MTSS2: variants seen among roughly 807,000 people sequenced by gnomAD.
MTSS2 encodes the protein MTSS I-BAR domain containing 2, also known as protein MTSS 2.
Under a neutral mutation model 67.1 loss-of-function variants are expected in MTSS2, and 27 were observed. The observed-to-expected ratio is 0.40, with a 90% CI of 0.30 to 0.55. MTSS2 has a LOEUF of 0.55. Ranked by LOEUF, MTSS2 falls within the 20% of genes least tolerant of loss-of-function variation. The probability of loss-of-function intolerance (pLI) is 0.43; values close to 1 mark genes in which losing one functional copy is unlikely to be tolerated. For synonymous variants in MTSS2, 624 were observed against 468.6 expected (o/e 1.33, Z -4.28); for missense variants, 1,171 against 1,067.8 (o/e 1.10, Z -1.35).
rs886454107 is a variant in MTSS2 at position 70,662,351 on chromosome 16, A to C, written c.*1326T>G. The C allele has an allele frequency of 1.3e-5, 2 of 152,284 alleles. No individual in the cohort carries two copies. Among genetic ancestry groups the C allele is most frequent in the African/African-American group, 4.8e-5 (2 of 41,428 alleles). The allele number at this position is 152,284 out of a possible 1,614,324, so 9.4% of individuals were successfully genotyped here. On this transcript the variant is annotated 3_prime_UTR_variant, in exon 15 of 15. Coordinates refer to ENST00000338779, the MANE Select transcript of MTSS2 (RefSeq NM_138383.3). ...TAGGCTCACGTGCTTTTACCTGCTGAGACTTGGCGTGACTTGGTGCGTGGG... is the reference window on the plus strand; with the variant it reads ...TAGGCTCACGTGCTTTTACCTGCTGCGACTTGGCGTGACTTGGTGCGTGGG...
intron 7 of MTSS2, 92 bp downstream of exon 7, chr16:70,679,223 G>A: frequency 6.7e-7 from 1 of 1,490,998 alleles, no homozygotes; most frequent in African/African-American, 1.4e-5. Context: ...CCTTGGCCTG[G>A]AGAGGTTCCT....
At chr16:70,680,672 A>C in intron 3 of MTSS2, 122 bp downstream of exon 3, 1 of 831,912 alleles carries the variant, frequency 1.2e-6, no homozygotes, top group Non-Finnish European at 1.9e-6. Flanking sequence ...TCCACTAAGG[A>C]GCAGAACTCA....
intron 6 of MTSS2, 22 bp downstream of exon 6, chr16:70,679,607 TG>T (rs761045658): frequency 2.5e-6 from 4 of 1,580,192 alleles, no homozygotes; most frequent in Admixed American, 3.6e-5. Context: ...GGGCTGTGGC[TG>T]GGGGGCCGCG....
At chr16:70,684,553 C>G (rs1328165294) in intron 1 of MTSS2, among the ~76,000 whole-genome samples, 1 of 152,178 alleles carries the variant, frequency 6.6e-6, no homozygotes, top group Non-Finnish European at 1.5e-5. Flanking sequence ...GTCCTAGCAG[C>G]ACTGTACTGG....
chr16:70,682,662 C>T (rs188123017), intron 1 of MTSS2, among the ~76,000 whole-genome samples: 21 of 138,234 alleles, frequency 1.5e-4, no homozygotes, highest in Non-Finnish European at 2.4e-4. Flanking sequence ...CCCCTCCCCA[C>T]GGTAACCACA....
chr16:70,665,094 G>T lies in MTSS2; in HGVS notation c.1131C>A (p.Asp377Glu). ...SVSECSSPTS[D>E]WSKVGSHEQP... ...GCTCATGGGAGCCGACCTTGGACCA[G>T]TCCTGCAGGGAGGGTGTGGCAGGTC... The change falls in exon 13 of 15, where the codon GAC becomes GAA. Residue 377 changes from aspartate to glutamate, a missense_variant and splice_region_variant. Physicochemically the swap from Asp to Glu is conservative, Grantham distance 45. Coordinates refer to ENST00000338779, the MANE Select transcript of MTSS2 (RefSeq NM_138383.3). The T allele has an allele frequency of 6.3e-7, 1 of 1,593,038 alleles. No homozygotes were observed. The highest frequency in any genetic ancestry group is 8.5e-7 in the Non-Finnish European group (1 of 1,177,278).
rs952596769 is a variant in MTSS2, at chr16:70,663,577, G to C, written c.*100C>G. On this transcript the variant is annotated 3_prime_UTR_variant, in exon 15 of 15. Coordinates refer to ENST00000338779, the MANE Select transcript of MTSS2 (RefSeq NM_138383.3). Reference sequence around the variant, plus strand: ...GTGGCATGGCCTCTGCCCTGGCTCTGTCCTCTCTCCTGGCTGGGCCTTTGC... The same window carrying C: ...GTGGCATGGCCTCTGCCCTGGCTCTCTCCTCTCTCCTGGCTGGGCCTTTGC... The C allele has an allele frequency of 2.1e-6, 3 of 1,445,150 alleles. No individual in the cohort carries two copies. The highest frequency in any genetic ancestry group is 2.7e-6 in the Non-Finnish European group (3 of 1,099,074). The allele number at this position is 1,445,150 out of a possible 1,614,324, so 89.5% of individuals were successfully genotyped here. A position where few individuals can be genotyped will look rare whatever the true frequency, so the allele number is the denominator to read the frequency against.
chr16:70,679,550 G>T, intron 6 of MTSS2, 80 bp downstream of exon 6: 3 of 1,449,924 alleles, frequency 2.1e-6, no homozygotes, highest in Non-Finnish European at 2.8e-6. Context: ...TGGGATGAAG[G>T]CTTTGGGGCG....
chr16:70,663,961 CGGCTGCCTCTGGGGATG>C lies in MTSS2; in HGVS notation c.1943_1959del (p.Pro648ArgfsTer37). 1 of 1,567,092 alleles carries C rather than the reference CGGCTGCCTCTGGGGATG, an allele frequency of 6.4e-7. No homozygotes were observed. The highest frequency in any genetic ancestry group is 8.6e-7 in the Non-Finnish European group (1 of 1,158,080). On this transcript the variant is annotated frameshift_variant, in exon 15 of 15. Transcript: ENST00000338779. LOFTEE classifies it low-confidence loss of function (END_TRUNC). ...TCCTCGGCCCCTGCCCCGGGGTACC[CGGCTGCCTCTGGGGATG>C]GGCTGCCCCAGGCTGTGTTGGGCAG...
chr16:70,684,665 G>A (rs2053400052), intron 1 of MTSS2, among the ~76,000 whole-genome samples: 1 of 152,022 alleles, frequency 6.6e-6, no homozygotes, highest in African/African-American at 2.4e-5. Flanking sequence ...ATCCTGTGGG[G>A]TGCCTCGTTC....
chr16:70,674,942 A>G (rs1426507181), intron 10 of MTSS2, among the ~76,000 whole-genome samples: 1 of 152,088 alleles, frequency 6.6e-6, no homozygotes, highest in Non-Finnish European at 1.5e-5. Context: ...GCGAAACCCC[A>G]TCACCACTAA....
rs746621800 is a variant in MTSS2, at chr16:70,664,202, G to A, written c.1719C>T (p.Thr573=). Residue 573 remains threonine, a synonymous_variant, in exon 15 of 15, where the codon ACC becomes ACT. Transcript: ENST00000338779. ...TIRRTPSTKP[T]VRRALSSAGP... is the part of the protein sequence containing the mutation. ...CAGCGCTGGACAGGGCGCGGCGCAC[G>A]GTGGGCTTGGTGGAGGGTGTGCGGC... 2.5e-5 allele frequency: 40 copies of A among 1,591,896 alleles called. No individual in the cohort carries two copies. The highest frequency in any genetic ancestry group is 1.4e-4 in the Admixed American group (8 of 59,126).
In MTSS2 at chr16:70,661,305, G is replaced by T. The variant is rs2052455977; in HGVS notation, c.*2372C>A. 1 of 455,128 alleles carries T rather than the reference G, an allele frequency of 2.2e-6. No individual in the cohort carries two copies. Among genetic ancestry groups the T allele is most frequent in the South Asian group, 1.6e-5 (1 of 64,488 alleles). 28.2% of individuals were successfully genotyped at this position (455,128 alleles called of 1,614,324 possible). A position where few individuals can be genotyped will look rare whatever the true frequency, so the allele number is the denominator to read the frequency against. On this transcript the variant is annotated 3_prime_UTR_variant, in exon 15 of 15. Coordinates refer to ENST00000338779, the MANE Select transcript of MTSS2 (RefSeq NM_138383.3). ...AATCGGGGAGGATGGTGTGGAGGGG[G>T]CGGGGAGGAGAGGAGAATTTTTCCA...
In MTSS2 at chr16:70,664,351, C is replaced by G. The variant is rs769966650; in HGVS notation, c.1570G>C (p.Ala524Pro). ...SSTIPRNSNIAQNYRRLIQTK... is the reference protein window; with the variant it reads ...SSTIPRNSNIPQNYRRLIQTK... The stretch of plus-strand genomic sequence containing the variant: ...TGGATCAGGCGGCGGTAGTTCTGGG[C>G]GATGTTGCTGTTGCGCGGGATGGTG... Residue 524 changes from alanine to proline, a missense_variant, in exon 15 of 15, where the codon GCC becomes CCC. Ala to Pro is a conservative substitution (Grantham distance 27, BLOSUM62 -1). This residue lies in a region of MTSS2 where 924 missense variants were observed against 756.0 expected (regional missense o/e 1.22). Coordinates refer to ENST00000338779, the MANE Select transcript of MTSS2 (RefSeq NM_138383.3). The G allele has an allele frequency of 6.3e-7, 1 of 1,596,788 alleles. No homozygotes were observed. The highest frequency in any genetic ancestry group is 2.2e-5 in the East Asian group (1 of 44,788).
At chr16:70,665,289 C>T (rs1473729647) in intron 12 of MTSS2, 177 bp downstream of exon 12, 2 of 907,712 alleles carry the variant, frequency 2.2e-6, no homozygotes, top group Non-Finnish European at 1.6e-6. Context: ...TAAGATGTGG[C>T]TGTGTGGGCA....
chr16:70,662,579 C>T lies in MTSS2; in HGVS notation c.*1098G>A, dbSNP rs1018732214. On this transcript the variant is annotated 3_prime_UTR_variant, in exon 15 of 15. Transcript: ENST00000338779. ...CTCCCAACCTTATTTTGGCTACGCT[C>T]GAGACACTGGAGAGAACAGTAGCTT... 3.3e-5 allele frequency: 5 copies of T among 152,572 alleles called. No individual in the cohort carries two copies. Among genetic ancestry groups the T allele is most frequent in the East Asian group, 1.9e-4 (1 of 5,168 alleles). The allele number at this position is 152,572 out of a possible 1,614,324, so 9.5% of individuals were successfully genotyped here.
At position 70,676,869 on chromosome 16, in the gene MTSS2, A is replaced by T; in HGVS notation, c.830+12T>A. Reference sequence around the variant, plus strand: ...CGCCCCCCACACCCCTGGGAACCCCACCCCCACTGACCTGCACATGCTGGA... The same window carrying T: ...CGCCCCCCACACCCCTGGGAACCCCTCCCCCACTGACCTGCACATGCTGGA... On this transcript the variant is annotated intron_variant, in intron 10 of 14. Coordinates refer to ENST00000338779, the MANE Select transcript of MTSS2 (RefSeq NM_138383.3). 1 of 1,610,762 alleles carries T rather than the reference A, an allele frequency of 6.2e-7. No homozygotes were observed. The highest frequency in any genetic ancestry group is 1.7e-5 in the Admixed American group (1 of 59,944).
In MTSS2 at chr16:70,663,631, C is replaced by A. The variant is rs766441781; in HGVS notation, c.*46G>T. 1.3e-6 allele frequency: 2 copies of A among 1,505,308 alleles called. No homozygotes were observed. Among genetic ancestry groups the A allele is most frequent in the East Asian group, 2.4e-5 (1 of 41,358 alleles). 93.2% of individuals were successfully genotyped at this position (1,505,308 alleles called of 1,614,324 possible). ...GAGTGCCTGCGGCTCACAGACCAGG[C>A]CACCTGCTCGCACTGGGGCCTGAGA... On this transcript the variant is annotated 3_prime_UTR_variant, in exon 15 of 15. Transcript: ENST00000338779.
chr16:70,682,913 G>A (rs1015968869), intron 1 of MTSS2, among the ~76,000 whole-genome samples: 28 of 151,382 alleles, frequency 1.8e-4, no homozygotes, highest in African/African-American at 6.6e-4. Context: ...ACAGGGTGGC[G>A]GGGTCAGGAC....
Sources: allele counts gnomAD v4.1 joint callset (sites outside exome capture counted in the v4.1 genomes callset), GRCh38; gene constraint gnomAD v4.1.1; regional missense constraint gnomAD v4.1.1; transcripts MANE v1.5; gene names NCBI Gene and HGNC (gene_info 2026-07-23, HGNC 2026-07-21).